CACNG5: variants seen among roughly 807,000 people sequenced by gnomAD.
CACNG5 encodes calcium voltage-gated channel auxiliary subunit gamma 5.
In CACNG5, 18 loss-of-function variants were observed where a neutral mutation model predicts 24.8. The observed-to-expected ratio is 0.73, with a 90% CI of 0.50 to 1.08. The LOEUF is 1.08. CACNG5 is among the 50% of genes least tolerant of loss of function. CACNG5 has a pLI of 0.00. For synonymous variants in CACNG5, 157 were observed against 149.1 expected (o/e 1.05, Z -0.39); for missense variants, 349 against 367.9 (o/e 0.95, Z 0.42).
rs897104500 is a variant in CACNG5, at chr17:66,890,030, C to G, written c.*4790C>G. 6.6e-6 allele frequency among the ~76,000 whole-genome samples: 1 copy of G among 152,232 alleles called. No homozygotes were observed. Among genetic ancestry groups the G allele is most frequent in the African/African-American group, 2.4e-5 (1 of 41,452 alleles). On this transcript the variant is annotated 3_prime_UTR_variant, in exon 6 of 6. Transcript: ENST00000533854. The stretch of plus-strand genomic sequence containing the variant: ...GATTTTGGGTATGAGGGCCAATTGG[C>G]AGCTCTCCAAGTCTTGACTTTCTCC...
At chr17:66,846,778 A>C (rs1237137881) in intron 1 of CACNG5, among the ~76,000 whole-genome samples, 1 of 152,170 alleles carries the variant, frequency 6.6e-6, no homozygotes, top group Admixed American at 6.5e-5. Flanking sequence ...TCTTGGGTAT[A>C]TCCCTAGGAG....
intron 1 of CACNG5, among the ~76,000 whole-genome samples, chr17:66,861,914 T>C (rs1305264326): frequency 2.0e-5 from 3 of 152,244 alleles, no homozygotes; most frequent in Non-Finnish European, 2.9e-5. Flanking sequence ...CATGCAATCC[T>C]GCCTTTTCTA....
At position 66,837,226 on chromosome 17, in the gene CACNG5, G is replaced by A. The variant is rs1209488418; in HGVS notation, c.-104+1976G>A. 2.0e-5 allele frequency among the ~76,000 whole-genome samples: 3 copies of A among 152,252 alleles called. No homozygotes were observed. The South Asian group carries it at 6.2e-4, about 31-fold the overall frequency. On this transcript the variant is annotated intron_variant, in intron 1 of 5. Transcript: ENST00000533854. The stretch of plus-strand genomic sequence containing the variant: ...CTCTCTGACATTGGACTTGAGGGAA[G>A]TGGCTGTGTAGCTAGGATCCCTCAT...
chr17:66,845,597 C>T (rs1254905943), intron 1 of CACNG5, among the ~76,000 whole-genome samples: 1 of 152,114 alleles, frequency 6.6e-6, no homozygotes, highest in Non-Finnish European at 1.5e-5. Flanking sequence ...CCGTGGCATC[C>T]CCAGCACACC....
At chr17:66,847,861 C>T (rs1976657703) in intron 1 of CACNG5, among the ~76,000 whole-genome samples, 1 of 152,172 alleles carries the variant, frequency 6.6e-6, no homozygotes, top group African/African-American at 2.4e-5. Flanking sequence ...AGGAGCATAC[C>T]AGGTGCTCTG....
intron 1 of CACNG5, among the ~76,000 whole-genome samples, chr17:66,851,507 T>C (rs1976709194): frequency 6.6e-6 from 1 of 152,220 alleles, no homozygotes; most frequent in Non-Finnish European, 1.5e-5. Flanking sequence ...AACATGGTTG[T>C]AGAACAGTGT....
rs1160818184 is a variant in CACNG5, at chr17:66,889,675, C to T, written c.*4435C>T. Among the ~76,000 whole-genome samples, 1 of 152,174 alleles carries T rather than the reference C, an allele frequency of 6.6e-6. No individual in the cohort carries two copies. The highest frequency in any genetic ancestry group is 6.5e-5 in the Admixed American group (1 of 15,282). The stretch of plus-strand genomic sequence containing the variant: ...CAGTTCAAGTCCAAACTTGCAGTCT[C>T]CTGGCAGAAATCCTGGCTGCTCAGG... On this transcript the variant is annotated 3_prime_UTR_variant, in exon 6 of 6. Transcript: ENST00000533854.
At chr17:66,860,672 A>G (rs1275786335) in intron 1 of CACNG5, among the ~76,000 whole-genome samples, 5 of 152,024 alleles carry the variant, frequency 3.3e-5, no homozygotes, top group Non-Finnish European at 7.3e-5. Context: ...TCAGACTGAA[A>G]GCAAGTGACA....
intron 1 of CACNG5, among the ~76,000 whole-genome samples, chr17:66,837,751 G>A (rs1051073666): frequency 5.9e-5 from 9 of 152,302 alleles, no homozygotes; most frequent in Non-Finnish European, 1.2e-4. Context: ...GAACAGAGAG[G>A]AGGGAAAGAG....
chr17:66,870,007 C>T (rs955053190), intron 1 of CACNG5, among the ~76,000 whole-genome samples: 9 of 151,676 alleles, frequency 5.9e-5, no homozygotes, highest in Admixed American at 3.3e-4. Context: ...CGCTTGAACC[C>T]GGGAGGCGGA....
At position 66,888,687 on chromosome 17, in the gene CACNG5, A is replaced by G. The variant is rs1381253320; in HGVS notation, c.*3447A>G. Among the ~76,000 whole-genome samples the G allele has an allele frequency of 6.6e-6, 1 of 152,188 alleles. No individual in the cohort carries two copies. The highest frequency in any genetic ancestry group is 6.5e-5 in the Admixed American group (1 of 15,278). On this transcript the variant is annotated 3_prime_UTR_variant, in exon 6 of 6. Transcript: ENST00000533854. ...TTCAGTCAGGAGCACTCTCTCTTAC[A>G]GACCAAGAGTATTTATTGGTGAGAC...
At chr17:66,864,537 T>C (rs766620234) in intron 1 of CACNG5, among the ~76,000 whole-genome samples, 1 of 152,234 alleles carries the variant, frequency 6.6e-6, no homozygotes, top group Non-Finnish European at 1.5e-5. Flanking sequence ...TTCAAATAGA[T>C]TTAATCCAAC....
intron 3 of CACNG5, among the ~76,000 whole-genome samples, chr17:66,880,267 G>A (rs1330781106): frequency 4.6e-5 from 7 of 152,222 alleles, no homozygotes; most frequent in African/African-American, 1.7e-4. Context: ...CATATTGGCA[G>A]ACAGTGTGGA....
chr17:66,870,812 C>G (rs1976995603), intron 1 of CACNG5, among the ~76,000 whole-genome samples: 1 of 152,140 alleles, frequency 6.6e-6, no homozygotes, highest in East Asian at 1.9e-4. Flanking sequence ...AACCCCATCT[C>G]TATTTAAAAA....
Position 66,880,545 on chromosome 17 carries a change from C to T in CACNG5, c.284-12C>T, listed in dbSNP as rs1458636014. The T allele has an allele frequency of 6.2e-7, 1 of 1,614,000 alleles. No homozygotes were observed. Among genetic ancestry groups the T allele is most frequent in the African/African-American group, 1.3e-5 (1 of 74,928 alleles). ...GGAGGCTGACAGGCCGCCCTTTTGT[C>T]CCGTTAATTAGAGATGATCCGCTCA... On this transcript the variant is annotated splice_polypyrimidine_tract_variant and intron_variant, in intron 3 of 5. Transcript: ENST00000533854.
chr17:66,839,280 C>T (rs1976530586), intron 1 of CACNG5, among the ~76,000 whole-genome samples: 2 of 112,230 alleles, frequency 1.8e-5, no homozygotes, highest in Admixed American at 9.0e-5. Context: ...ATTCTGACAA[C>T]CAAAAATGTC....
chr17:66,887,186 GA>G lies in CACNG5; in HGVS notation c.*1948del. 6.6e-6 allele frequency among the ~76,000 whole-genome samples: 1 copy of G among 152,248 alleles called. No homozygotes were observed. Among genetic ancestry groups the G allele is most frequent in the East Asian group, 1.9e-4 (1 of 5,170 alleles). On this transcript the variant is annotated 3_prime_UTR_variant, in exon 6 of 6. Coordinates refer to ENST00000533854, the MANE Select transcript of CACNG5 (RefSeq NM_145811.3). ...ATTTGTCTCACAGCAGGGTGGAGGA[GA>G]AGGGTAAGAGAAGCCAGTTCTGGTC...
intron 1 of CACNG5, among the ~76,000 whole-genome samples, chr17:66,853,329 C>A (rs1598048762): frequency 6.6e-6 from 1 of 152,144 alleles, no homozygotes; most frequent in Admixed American, 6.5e-5. Flanking sequence ...CTTTATGCAA[C>A]CACAAGTTTT....
chr17:66,866,815 T>C (rs1316907236), intron 1 of CACNG5, among the ~76,000 whole-genome samples: 1 of 152,184 alleles, frequency 6.6e-6, no homozygotes, highest in African/African-American at 2.4e-5. Context: ...CTTTTTAAGG[T>C]TGCATAGTAT....
Sources: gnomAD v4.1 joint callset for allele counts (sites outside exome capture counted in the v4.1 genomes callset) on GRCh38, gnomAD v4.1.1 for gene constraint, MANE v1.5 for transcripts, NCBI Gene and HGNC (gene_info 2026-07-23, HGNC 2026-07-21) for gene names.